The following RAB3C variants were observed in gnomAD, a reference collection of about 807,000 sequenced individuals.
RAB3C encodes the protein ras-related protein Rab-3C.
In RAB3C, 17 loss-of-function variants were observed where a neutral mutation model predicts 26.4. The observed-to-expected ratio is 0.64, with a 90% CI of 0.44 to 0.97. The LOEUF is 0.97. Among genes scored for constraint, RAB3C ranks in the 50% least tolerant of loss-of-function variants. The pLI is 0.00. For missense variants in RAB3C, 242 were observed against 281.9 expected, an observed-to-expected ratio of 0.86 and a Z score of 1.01; for synonymous variants, 91 against 95.9, an observed-to-expected ratio of 0.95 and a Z score of 0.30.
intron 3 of RAB3C, chr5:58,822,924 C>A (rs770300935): frequency 1.7e-5 from 11 of 641,060 alleles, no homozygotes; most frequent in Middle Eastern, 4.6e-4. Context: ...GATGGTCAGC[C>A]TGGTGCCTTC....
At chr5:58,775,902 G>T (rs991600677) in intron 3 of RAB3C, among the ~76,000 whole-genome samples, 3 of 152,022 alleles carry the variant, frequency 2.0e-5, no homozygotes, top group African/African-American at 7.2e-5. Flanking sequence ...TTACACTCCT[G>T]CAGGCAACTC....
intron 4 of RAB3C, among the ~76,000 whole-genome samples, chr5:58,827,351 A>G (rs989113351): frequency 1.3e-5 from 2 of 152,204 alleles, no homozygotes; most frequent in African/African-American, 4.8e-5. Flanking sequence ...TGTCTCTATG[A>G]ATAAAAATGA....
chr5:58,681,879 G>A (rs967005931), intron 2 of RAB3C, among the ~76,000 whole-genome samples: 5 of 152,306 alleles, frequency 3.3e-5, no homozygotes, highest in African/African-American at 1.2e-4. Context: ...TAATGAAAAA[G>A]TGAGCAAATT....
Position 58,859,218 on chromosome 5 carries a change from G to A in RAB3C, c.*7867G>A, listed in dbSNP as rs540126656. ...TTGTGTGGGTTTAAAGCTATGAAGT[G>A]TATTCACATTGTGAAGTTTTAATTA... On this transcript the variant is annotated 3_prime_UTR_variant, in exon 5 of 5. Transcript: ENST00000282878. The A allele has an allele frequency of 6.6e-6, 1 of 152,324 alleles. No homozygotes were observed. Among genetic ancestry groups the A allele is most frequent in the Non-Finnish European group, 1.5e-5 (1 of 68,030 alleles). 9.4% of individuals were successfully genotyped at this position (152,324 alleles called of 1,614,324 possible).
chr5:58,646,113 A>T (rs1747511703), intron 2 of RAB3C, among the ~76,000 whole-genome samples: 1 of 152,106 alleles, frequency 6.6e-6, no homozygotes, highest in Non-Finnish European at 1.5e-5. Context: ...GATATGCCTG[A>T]TTTCTATTTT....
At chr5:58,668,515 G>A (rs980691347) in intron 2 of RAB3C, among the ~76,000 whole-genome samples, 1 of 152,120 alleles carries the variant, frequency 6.6e-6, no homozygotes, top group African/African-American at 2.4e-5. Context: ...TGGTTTTCAT[G>A]AGTCCCACAG....
intron 2 of RAB3C, among the ~76,000 whole-genome samples, chr5:58,634,859 A>T (rs1747255972): frequency 6.6e-6 from 1 of 152,178 alleles, no homozygotes; most frequent in Non-Finnish European, 1.5e-5. Context: ...GTAACAATAT[A>T]TTGGAGGTTG....
chr5:58,653,457 C>G (rs1747702171), intron 2 of RAB3C, among the ~76,000 whole-genome samples: 1 of 152,078 alleles, frequency 6.6e-6, no homozygotes, highest in Non-Finnish European at 1.5e-5. Flanking sequence ...GGTGTATACC[C>G]AAAGGATTAT....
intron 1 of RAB3C, among the ~76,000 whole-genome samples, chr5:58,612,536 A>ATATATATATATG (rs371556302): frequency 1.0e-4 from 10 of 96,480 alleles, no homozygotes; most frequent in African/African-American, 3.6e-4. Flanking sequence ...ATATATATAT[A>ATATATATATATG]TATATATATA....
chr5:58,642,784 C>T (rs761992399), intron 2 of RAB3C, among the ~76,000 whole-genome samples: 12 of 152,134 alleles, frequency 7.9e-5, no homozygotes, highest in Non-Finnish European at 1.0e-4. Flanking sequence ...TGAAACATCG[C>T]GGGGAGTGCA....
At chr5:58,659,889 T>A (rs1236015590) in intron 2 of RAB3C, among the ~76,000 whole-genome samples, 1 of 152,156 alleles carries the variant, frequency 6.6e-6, no homozygotes, top group Non-Finnish European at 1.5e-5. Flanking sequence ...CTGCAACCTC[T>A]GCCTCCTGGG....
intron 2 of RAB3C, among the ~76,000 whole-genome samples, chr5:58,654,064 T>C (rs1747712578): frequency 6.6e-6 from 1 of 152,224 alleles, no homozygotes; most frequent in African/African-American, 2.4e-5. Flanking sequence ...GCATTTTCTT[T>C]TTCTTCATCA....
intron 1 of RAB3C, among the ~76,000 whole-genome samples, chr5:58,603,334 C>T (rs529534591): frequency 1.1e-3 from 172 of 152,200 alleles, no homozygotes; most frequent in African/African-American, 3.5e-3. Context: ...GTGTTCCTTG[C>T]GCTTCTTGTA....
chr5:58,609,116 C>G (rs1164206367), intron 1 of RAB3C, among the ~76,000 whole-genome samples: 2 of 152,042 alleles, frequency 1.3e-5, no homozygotes. Flanking sequence ...GTGCAGCAAA[C>G]CAACATGGCA....
intron 3 of RAB3C, among the ~76,000 whole-genome samples, chr5:58,766,119 CTT>C (rs35659245): frequency 1.7e-4 from 23 of 138,358 alleles, no homozygotes; most frequent in Admixed American, 2.2e-4. Flanking sequence ...TCAGGTAATT[CTT>C]TTTTTTTTTT....
intron 2 of RAB3C, among the ~76,000 whole-genome samples, chr5:58,685,972 A>G (rs1455038270): frequency 4.6e-5 from 7 of 152,096 alleles, no homozygotes; most frequent in African/African-American, 1.7e-4. Flanking sequence ...AATCTGCAGG[A>G]AATAATTTTA....
intron 2 of RAB3C, among the ~76,000 whole-genome samples, chr5:58,625,548 C>G (rs1747032976): frequency 6.6e-6 from 1 of 152,110 alleles, no homozygotes; most frequent in African/African-American, 2.4e-5. Flanking sequence ...TGCTAAGCAG[C>G]TCTCAAAGCT....
chr5:58,828,746 G>T (rs778734846), intron 4 of RAB3C, among the ~76,000 whole-genome samples: 1 of 152,132 alleles, frequency 6.6e-6, no homozygotes, highest in African/African-American at 2.4e-5. Flanking sequence ...GAAGTTGAAG[G>T]CTAGACTCTA....
At chr5:58,770,183 G>T (rs1272113222) in intron 3 of RAB3C, among the ~76,000 whole-genome samples, 1 of 152,148 alleles carries the variant, frequency 6.6e-6, no homozygotes, top group Non-Finnish European at 1.5e-5. Context: ...CAGTGATGTT[G>T]CAGTACAGCA....
Sources: gnomAD v4.1 joint callset for allele counts (sites outside exome capture counted in the v4.1 genomes callset) on GRCh38, gnomAD v4.1.1 for gene constraint, MANE v1.5 for transcripts, NCBI Gene and HGNC (gene_info 2026-07-23, HGNC 2026-07-21) for gene names.